The following DNAH17 variants were observed in gnomAD, a reference collection of about 807,000 sequenced individuals.
DNAH17 encodes dynein axonemal heavy chain 17.
DNAH17 carries 376 observed loss-of-function variants against 485.6 expected under a neutral mutation model. That is an observed-to-expected ratio of 0.77 (90% CI 0.71 to 0.84). The LOEUF (loss-of-function observed/expected upper bound fraction) is 0.84. DNAH17 is among the 40% of genes least tolerant of loss of function. The probability of loss-of-function intolerance (pLI) is 0.00; values close to 1 mark genes in which losing one functional copy is unlikely to be tolerated. For synonymous variants in DNAH17, 3,031 were observed against 2,405.9 expected, an observed-to-expected ratio of 1.26 and a Z score of -7.60; for missense variants, 6,370 against 5,839.3, an observed-to-expected ratio of 1.09 and a Z score of -2.96.
Position 78,485,842 on chromosome 17 carries a change from CA to C in DNAH17, c.7276-86del. On this transcript the variant is annotated intron_variant, in intron 46 of 80. Transcript: ENST00000389840. ...GGTGTGCAGGCCATGTTCTACCGAA[CA>C]GGTCCTAATGTTGAAAATCGGTTGT... The C allele has an allele frequency of 1.9e-6, 3 of 1,576,398 alleles. No homozygotes were observed. In the Admixed American group the frequency reaches 5.1e-5, roughly 27 times the overall value.
intron 5 of DNAH17, 104 bp downstream of exon 5, chr17:78,571,175 G>A (rs945743096): frequency 2.4e-5 from 31 of 1,292,620 alleles, no homozygotes; most frequent in Middle Eastern, 1.9e-4. Context: ...AAAGCTGCTC[G>A]CAGAGGGAGG....
chr17:78,465,100 C>A (rs528873710), intron 56 of DNAH17, among the ~76,000 whole-genome samples: 121 of 152,320 alleles, frequency 7.9e-4, no homozygotes, highest in African/African-American at 2.6e-3. Context: ...GCCGCCACGC[C>A]TGACTGGTTT....
intron 6 of DNAH17, 57 bp downstream of exon 6, chr17:78,570,874 AAAAAGAAAAAAGAAAAG>A: frequency 1.2e-6 from 1 of 800,008 alleles, no homozygotes; most frequent in Non-Finnish European, 1.8e-6. Flanking sequence ...AAAAAAAAAA[AAAAAGAAAAAAGAAAAG>A]AAAAGAAAAG....
Position 78,495,904 on chromosome 17 carries a change from C to T in DNAH17, c.5874G>A (p.Glu1958=). The T allele has an allele frequency of 6.2e-7, 1 of 1,613,866 alleles. No individual in the cohort carries two copies. Residue 1958 remains glutamate, a synonymous_variant, in exon 38 of 81, where the codon GAG becomes GAA. Coordinates refer to ENST00000389840, the MANE Select transcript of DNAH17 (RefSeq NM_173628.4). ...ATAAGGCTTTTAGGTTCTCAGGCAG[C>T]TCCGCGCGTCCGGCGTACCCAGGGT... ...TMNPGYAGRA[E]LPENLKALFR... is the part of the protein sequence containing the mutation.
chr17:78,445,776 C>T (rs1036686627), intron 69 of DNAH17, 96 bp from the exon 70 acceptor site: 17 of 1,404,818 alleles, frequency 1.2e-5, no homozygotes, highest in African/African-American at 2.9e-5. Context: ...TTCACACTCC[C>T]GGCCTGCAGG....
At chr17:78,428,265 CTT>C in intron 77 of DNAH17, 2 of 523,526 alleles carry the variant, frequency 3.8e-6, no homozygotes, top group South Asian at 4.0e-5. Context: ...CTGGGATGCT[CTT>C]GGAGCCGCAT....
intron 49 of DNAH17, among the ~76,000 whole-genome samples, chr17:78,480,422 ATATT>A (rs1257494408): frequency 2.0e-5 from 3 of 152,142 alleles, no homozygotes; most frequent in African/African-American, 7.2e-5. Context: ...GACTAAAAAC[ATATT>A]TATTTATCTG....
chr17:78,486,285 T>TA lies in DNAH17; in HGVS notation c.7039dup (p.Tyr2347LeufsTer31). The TA allele has an allele frequency of 1.2e-6, 2 of 1,611,102 alleles. No homozygotes were observed. Among genetic ancestry groups the TA allele is most frequent in the Non-Finnish European group, 1.7e-6 (2 of 1,177,736 alleles). On this transcript the variant is annotated frameshift_variant, in exon 45 of 81. Coordinates refer to ENST00000389840, the MANE Select transcript of DNAH17 (RefSeq NM_173628.4). LOFTEE classifies it high-confidence loss of function. ...GCAGGTGAACACGAAGTACAGCTCG[T>TA]ACAGCTCCCTGGGGGAGTCGGGGGG...
Position 78,425,569 on chromosome 17 carries a change from T to C in DNAH17, c.12918A>G (p.Glu4306=), listed in dbSNP as rs1176216638. 1 of 1,606,248 alleles carries C rather than the reference T, an allele frequency of 6.2e-7. No homozygotes were observed. Among genetic ancestry groups the C allele is most frequent in the Non-Finnish European group, 8.5e-7 (1 of 1,176,592 alleles). The change falls in exon 80 of 81, where the codon GAA becomes GAG. Residue 4306 remains glutamate (E), a splice_region_variant and synonymous_variant. Coordinates refer to ENST00000389840, the MANE Select transcript of DNAH17 (RefSeq NM_173628.4). ...WYADLLLRIR[E]LEAWTTDFAL... ...CAAAGTCTGTCGTCCAGGCCTCGAG[T>C]TCCTGCAAGGACACACGAGCCGCTA...
chr17:78,515,236 C>T lies in DNAH17; in HGVS notation c.3865-214G>A, dbSNP rs554405780. ...TTAAAAGTTAACAGTTGGCCGGGCACGGTGGCCCACGTCTATAACCCCACT... is the reference window on the plus strand; with the variant it reads ...TTAAAAGTTAACAGTTGGCCGGGCATGGTGGCCCACGTCTATAACCCCACT... On this transcript the variant is annotated intron_variant, in intron 25 of 80. Transcript: ENST00000389840. Among the ~76,000 whole-genome samples, 25 of 152,364 alleles carry T rather than the reference C, an allele frequency of 1.6e-4. No homozygotes were observed. The South Asian group carries it at 4.4e-3, about 27-fold the overall frequency.
intron 58 of DNAH17, 34 bp downstream of exon 58, chr17:78,461,510 C>G (rs991917317): frequency 4.9e-5 from 74 of 1,522,334 alleles, no homozygotes; most frequent in Non-Finnish European, 6.0e-5. Flanking sequence ...GTGCAGCAGC[C>G]TTCCTGAAGG....
At chr17:78,464,696 G>A (rs957209258) in intron 56 of DNAH17, among the ~76,000 whole-genome samples, 34 of 152,212 alleles carry the variant, frequency 2.2e-4, no homozygotes, top group Admixed American at 1.1e-3. Context: ...CCAAGTGCTC[G>A]AGGCAAGGCA....
Position 78,425,544 on chromosome 17 carries a change from C to A in DNAH17, c.12943G>T (p.Ala4315Ser), listed in dbSNP as rs768653444. ...GCCAGCCACACGGTGGTGGGCAGGGCAAAGTCTGTCGTCCAGGCCTCGAGT... is the reference window on the plus strand; with the variant it reads ...GCCAGCCACACGGTGGTGGGCAGGGAAAAGTCTGTCGTCCAGGCCTCGAGT... ...RELEAWTTDFALPTTVWLAGF... is the reference protein window; with the variant it reads ...RELEAWTTDFSLPTTVWLAGF... The change falls in exon 80 of 81, where the codon GCC (alanine) becomes TCC (serine). Residue 4315 changes from alanine to serine, a missense_variant. By Grantham distance (99) the Ala-to-Ser change is moderately conservative. Transcript: ENST00000389840. 2 of 1,612,448 alleles carry A rather than the reference C, an allele frequency of 1.2e-6. No individual in the cohort carries two copies. Among genetic ancestry groups the A allele is most frequent in the Admixed American group, 3.3e-5 (2 of 59,924 alleles).
chr17:78,450,094 GGCTCCCCCTCTTCCA>G lies in DNAH17; in HGVS notation c.11040+145_11040+159del. On this transcript the variant is annotated intron_variant, in intron 68 of 80. Transcript: ENST00000389840. Reference sequence around the variant, plus strand: ...GGGTGTAGGACTGATGGGGGCCCCTGGCTCCCCCTCTTCCAGCTCCATCTGCAGGCTGGACCAGGT... The same window carrying G: ...GGGTGTAGGACTGATGGGGGCCCCTGGCTCCATCTGCAGGCTGGACCAGGT... 11 of 851,042 alleles carry G rather than the reference GGCTCCCCCTCTTCCA, an allele frequency of 1.3e-5. No homozygotes were observed. In the South Asian group the frequency reaches 1.9e-4, roughly 15 times the overall value. 52.7% of individuals were successfully genotyped at this position (851,042 alleles called of 1,614,324 possible). A position where few individuals can be genotyped will look rare whatever the true frequency, so the allele number is the denominator to read the frequency against.
At position 78,494,817 on chromosome 17, in the gene DNAH17, G is replaced by C; in HGVS notation, c.6046C>G (p.His2016Asp). Residue 2016 changes from histidine (H) to aspartate (D), a missense_variant, in exon 40 of 81, where the codon CAT (histidine) becomes GAT (aspartate). Transcript: ENST00000389840. ...LCKELLSKQD[H>D]YDWGLRAIKS... ...ATGGCTCTCAGGCCCCAGTCGTAAT[G>C]ATCCTGCGGGCAGTGGGCACAGGTG... 1 of 1,602,178 alleles carries C rather than the reference G, an allele frequency of 6.2e-7. No individual in the cohort carries two copies.
intron 9 of DNAH17, 98 bp from the exon 10 acceptor site, chr17:78,567,264 A>G: frequency 7.4e-7 from 1 of 1,345,142 alleles, no homozygotes; most frequent in Non-Finnish European, 1.0e-6. Flanking sequence ...GGAGCTGGGG[A>G]GCAAAATGTC....
intron 54 of DNAH17, among the ~76,000 whole-genome samples, chr17:78,473,776 G>A (rs549323201): frequency 1.1e-4 from 17 of 152,252 alleles, no homozygotes; most frequent in African/African-American, 4.1e-4. Flanking sequence ...CGTCATGAAC[G>A]TAAACCAACG....
intron 24 of DNAH17, 69 bp from the exon 25 acceptor site, chr17:78,525,230 G>GTTC: frequency 6.4e-7 from 1 of 1,557,434 alleles, no homozygotes. Context: ...ACTCCCCGAC[G>GTTC]TTCTGCCCGT....
At chr17:78,500,015 G>A (rs2090217586) in intron 36 of DNAH17, 1 of 357,138 alleles carries the variant, frequency 2.8e-6, no homozygotes, top group East Asian at 6.4e-5. Flanking sequence ...CCTGTGCGGA[G>A]TCCCCAGTTC....
Sources: allele counts gnomAD v4.1 joint callset (sites outside exome capture counted in the v4.1 genomes callset), GRCh38; gene constraint gnomAD v4.1.1; transcripts MANE v1.5; gene names NCBI Gene and HGNC (gene_info 2026-07-23, HGNC 2026-07-21).